ANO2: variants seen among roughly 807,000 people sequenced by gnomAD.
The protein encoded by ANO2 is anoctamin-2.
A neutral mutation model predicts 124.2 loss-of-function variants in ANO2; 101 were observed. That is an observed-to-expected ratio of 0.81 (90% confidence interval 0.69 to 0.96). The LOEUF (loss-of-function observed/expected upper bound fraction) is 0.96, where lower values mean the gene tolerates loss of function less well. Among genes scored for constraint, ANO2 ranks in the 40% least tolerant of loss-of-function variants. The pLI is 0.00. For synonymous variants in ANO2, 486 were observed against 482.5 expected (o/e 1.01, Z -0.09); for missense variants, 1,293 against 1,274.5 (o/e 1.01, Z -0.22).
intron 14 of ANO2, among the ~76,000 whole-genome samples, chr12:5,701,087 A>ATTTTTTT (rs56113538): frequency 4.8e-4 from 45 of 93,616 alleles, no homozygotes; most frequent in Non-Finnish European, 5.4e-4. Flanking sequence ...GTCATTTTCA[A>ATTTTTTT]TTTTTTTTTT....
intron 15 of ANO2, among the ~76,000 whole-genome samples, chr12:5,640,040 C>T (rs1406511860): frequency 3.3e-5 from 5 of 152,080 alleles, no homozygotes; most frequent in Admixed American, 2.0e-4. Flanking sequence ...CAGGAGGGAC[C>T]ATTCAAAAAG....
chr12:5,588,349 G>A (rs1260944010), intron 20 of ANO2, among the ~76,000 whole-genome samples: 2 of 152,230 alleles, frequency 1.3e-5, no homozygotes, highest in African/African-American at 4.8e-5. Context: ...GAAGGAGGGA[G>A]GAAGCCTCAC....
intron 16 of ANO2, among the ~76,000 whole-genome samples, chr12:5,616,057 T>TC (rs1362029778): frequency 3.9e-5 from 6 of 152,016 alleles, no homozygotes; most frequent in African/African-American, 1.5e-4. Context: ...TTCAGAAGAC[T>TC]AGAGACACAG....
chr12:5,713,333 G>A (rs1007094153), intron 14 of ANO2, among the ~76,000 whole-genome samples: 5 of 152,214 alleles, frequency 3.3e-5, no homozygotes, highest in Non-Finnish European at 5.9e-5. Context: ...TGAACCACAT[G>A]CATTTATTCT....
chr12:5,822,575 G>A (rs1953837748), intron 7 of ANO2, among the ~76,000 whole-genome samples: 1 of 152,228 alleles, frequency 6.6e-6, no homozygotes, highest in African/African-American at 2.4e-5. Context: ...CAATTTGCCA[G>A]CAGCAGAGAC....
intron 14 of ANO2, among the ~76,000 whole-genome samples, chr12:5,661,999 G>A (rs556199425): frequency 4.3e-4 from 66 of 152,286 alleles, no homozygotes; most frequent in African/African-American, 1.4e-3. Flanking sequence ...CCGCCAACTC[G>A]CCAACTGGCT....
At chr12:5,853,302 T>G (rs937087957) in intron 4 of ANO2, among the ~76,000 whole-genome samples, 3 of 150,876 alleles carry the variant, frequency 2.0e-5, no homozygotes, top group African/African-American at 7.3e-5. Context: ...GTTCCTGGCC[T>G]CTGGGTAGAT....
At chr12:5,920,985 C>A in intron 3 of ANO2, 55 bp downstream of exon 3, 1 of 1,549,582 alleles carries the variant, frequency 6.5e-7, no homozygotes, top group Non-Finnish European at 8.8e-7. Flanking sequence ...TCACTAGGAG[C>A]CCGGTTCTGT....
At chr12:5,822,723 T>C (rs889607556) in intron 7 of ANO2, among the ~76,000 whole-genome samples, 1 of 152,134 alleles carries the variant, frequency 6.6e-6, no homozygotes, top group Non-Finnish European at 1.5e-5. Flanking sequence ...TTACTCAGGG[T>C]ATGGGTTTTC....
At chr12:5,639,082 T>G (rs11063788) in intron 15 of ANO2, among the ~76,000 whole-genome samples, 43,950 of 151,916 alleles carry the variant, frequency 0.29, 7,756 homozygotes, top group East Asian at 0.49. Flanking sequence ...CAGAGAAAAC[T>G]CCACAGAAAA....
intron 15 of ANO2, among the ~76,000 whole-genome samples, chr12:5,647,039 A>G (rs1192254151): frequency 6.6e-6 from 1 of 152,232 alleles, no homozygotes; most frequent in East Asian, 1.9e-4. Context: ...TGTAAAGCAG[A>G]ACCTCCAATC....
chr12:5,610,167 TTACTTATATAAATACTTATATAAATATA>T (rs1243668451), intron 19 of ANO2, among the ~76,000 whole-genome samples: 29,204 of 123,530 alleles, frequency 0.24, 4,533 homozygotes, highest in African/African-American at 0.33. Flanking sequence ...CAAATTTATA[TTACTTATATAAATACTTATATAAATATA>T]TACTTATATA....
chr12:5,628,618 T>G (rs926662052), intron 16 of ANO2, among the ~76,000 whole-genome samples: 4 of 152,170 alleles, frequency 2.6e-5, no homozygotes, highest in Admixed American at 6.5e-5. Flanking sequence ...TTAAACATAC[T>G]GATATATGTA....
chr12:5,612,921 C>T lies in ANO2; in HGVS notation c.1966G>A (p.Asp656Asn), dbSNP rs754933071. 3.7e-5 allele frequency: 60 copies of T among 1,613,796 alleles called. 1 individual carries two copies. Among genetic ancestry groups the T allele is most frequent in the South Asian group, 5.5e-5 (5 of 91,074 alleles). ...GRPGSYVYVFDGYRMEECAPG... is the reference protein window; with the variant it reads ...GRPGSYVYVFNGYRMEECAPG... Reference sequence around the variant, plus strand: ...CTTGCCTCTTCCATGCGGTAACCATCGAATACATAGACGTAGCTTCCAGGC... The same window carrying T: ...CTTGCCTCTTCCATGCGGTAACCATTGAATACATAGACGTAGCTTCCAGGC... Residue 656 changes from aspartate (D) to asparagine (N), a missense_variant, in exon 18 of 25, where the codon GAT (aspartate) becomes AAT (asparagine). Physicochemically the swap from Asp to Asn is conservative, Grantham distance 23. Coordinates refer to ENST00000682330, the MANE Select transcript of ANO2 (RefSeq NM_001364791.2).
At chr12:5,935,640 C>T (rs2136321439) in intron 1 of ANO2, among the ~76,000 whole-genome samples, 1 of 152,262 alleles carries the variant, frequency 6.6e-6, no homozygotes, top group African/African-American at 2.4e-5. Context: ...GGCACAGAAG[C>T]ATACAAGACC....
intron 14 of ANO2, among the ~76,000 whole-genome samples, chr12:5,698,937 C>T (rs764822798): frequency 3.3e-5 from 5 of 152,160 alleles, no homozygotes; most frequent in Non-Finnish European, 5.9e-5. Flanking sequence ...AAATATGGGA[C>T]TATGTGAAAA....
intron 4 of ANO2, among the ~76,000 whole-genome samples, chr12:5,845,890 G>C (rs1163092654): frequency 6.6e-6 from 1 of 152,118 alleles, no homozygotes; most frequent in African/African-American, 2.4e-5. Context: ...CGTACATAAG[G>C]CTCTTACGAA....
rs1013992189 is a variant in ANO2 at position 5,904,064 on chromosome 12, A to G, written c.534+16976T>C. Among the ~76,000 whole-genome samples the G allele has an allele frequency of 6.6e-6, 1 of 152,040 alleles. No individual in the cohort carries two copies. The highest frequency in any genetic ancestry group is 1.5e-5 in the Non-Finnish European group (1 of 67,988). ...TCTTCATTAAACACTGACCTCCCCA[A>G]ATGTGCCCACCACATGATCATCCCC... On this transcript the variant is annotated intron_variant, in intron 3 of 24. Transcript: ENST00000682330. The surrounding 1 kb of genome is among the most constrained non-coding windows in gnomAD (Gnocchi z 4.1).
intron 14 of ANO2, among the ~76,000 whole-genome samples, chr12:5,670,652 A>C (rs1331068096): frequency 6.6e-6 from 1 of 151,536 alleles, no homozygotes; most frequent in Non-Finnish European, 1.5e-5. Flanking sequence ...CTCCCACCAC[A>C]CCCTCCCAAG....
Sources: allele counts gnomAD v4.1 joint callset (sites outside exome capture counted in the v4.1 genomes callset), GRCh38; gene constraint gnomAD v4.1.1; non-coding constraint Gnocchi (gnomAD v3.1); transcripts MANE v1.5; gene names NCBI Gene and HGNC (gene_info 2026-07-23, HGNC 2026-07-21).